The following CELF2 variants were observed in gnomAD, a reference collection of about 807,000 sequenced individuals.
The protein encoded by CELF2 is CUG triplet repeat RNA-binding protein 2.
In CELF2, 8 loss-of-function variants were observed where a neutral mutation model predicts 62.6. That is an observed-to-expected ratio of 0.13 (90% CI 0.07 to 0.23). CELF2 has a LOEUF of 0.23. Among genes scored for constraint, CELF2 ranks in the 10% least tolerant of loss-of-function variants. The pLI is 1.00. For synonymous variants in CELF2, 258 were observed against 250.0 expected (o/e 1.03, Z -0.30); for missense variants, 333 against 671.0 (o/e 0.50, Z 5.56).
chr10:11,283,600 G>T (rs1303112107), intron 8 of CELF2, among the ~76,000 whole-genome samples: 2 of 151,464 alleles, frequency 1.3e-5, no homozygotes, highest in Non-Finnish European at 3.0e-5. Context: ...ACTAGATGAT[G>T]GATGGGGGCT....
intron 1 of CELF2, among the ~76,000 whole-genome samples, chr10:10,842,984 C>T (rs2058778916): frequency 6.6e-6 from 1 of 151,970 alleles, no homozygotes; most frequent in African/African-American, 2.4e-5. Flanking sequence ...AAATATAGGG[C>T]TATTCAGATT....
At position 11,285,480 on chromosome 10, in the gene CELF2, C is replaced by T. The variant is rs892439351; in HGVS notation, c.842-2938C>T. ...TGTGGAGGAGAAATGAAGAGGAGGA[C>T]ACCCAGGCCCTTAGCCCTGGATCCT... On this transcript the variant is annotated intron_variant, in intron 8 of 12. Transcript: ENST00000633077. The surrounding 1 kb of genome is among the most constrained non-coding windows in gnomAD (Gnocchi z 4.3). Among the ~76,000 whole-genome samples the T allele has an allele frequency of 3.3e-5, 5 of 152,170 alleles. No individual in the cohort carries two copies.
At chr10:11,018,443 C>T (rs1024507700) in intron 1 of CELF2, among the ~76,000 whole-genome samples, 4 of 148,064 alleles carry the variant, frequency 2.7e-5, no homozygotes, top group African/African-American at 5.0e-5. Context: ...TGAGGACCAG[C>T]GGGCCGAGCG....
chr10:10,704,465 T>A, the CELF2 span, among the ~76,000 whole-genome samples: 2 of 152,334 alleles, frequency 1.3e-5, no homozygotes, highest in Admixed American at 1.3e-4. Context: ...TAAATGATTT[T>A]CATTATTGTA....
chr10:11,094,449 T>C (rs1462513702), intron 1 of CELF2, among the ~76,000 whole-genome samples: 2 of 152,192 alleles, frequency 1.3e-5, no homozygotes, highest in Non-Finnish European at 2.9e-5. Flanking sequence ...CTCATTCTTA[T>C]TATAATGAAC....
chr10:10,650,494 A>G, the CELF2 span, among the ~76,000 whole-genome samples: 1 of 152,170 alleles, frequency 6.6e-6, no homozygotes, highest in African/African-American at 2.4e-5. Flanking sequence ...AGAGAGACCT[A>G]TGTAAAAGTA....
chr10:10,537,872 C>T, the CELF2 span, among the ~76,000 whole-genome samples: 1 of 152,194 alleles, frequency 6.6e-6, no homozygotes, highest in Non-Finnish European at 1.5e-5. Flanking sequence ...CCTGACAGAA[C>T]CTGCAAGTAG....
At chr10:10,657,116 C>G in the CELF2 span, among the ~76,000 whole-genome samples, 3 of 151,890 alleles carry the variant, frequency 2.0e-5, no homozygotes, top group Non-Finnish European at 4.4e-5. Context: ...TGGTTGAACC[C>G]TGAAAAAATT....
At position 10,993,785 on chromosome 10, in the gene CELF2, C is replaced by A. The variant is rs1434394351; in HGVS notation, c.89+73786C>A. On this transcript the variant is annotated intron_variant, in intron 2 of 13. Transcript: ENST00000636488. This position sits in a 1 kb window ranked among gnomAD's most constrained non-coding sequence, Gnocchi z 5.3. ...CTCCCCAAAATTTGTGTGTTGAAGT[C>A]CTAACCCTGGTACCTGGGAATGTGA... Among the ~76,000 whole-genome samples the A allele has an allele frequency of 6.6e-6, 1 of 152,110 alleles. No homozygotes were observed. Among genetic ancestry groups the A allele is most frequent in the Non-Finnish European group, 1.5e-5 (1 of 68,020 alleles).
the CELF2 span, among the ~76,000 whole-genome samples, chr10:10,620,071 G>GA: frequency 7.2e-5 from 11 of 151,870 alleles, no homozygotes; most frequent in East Asian, 1.9e-4. Context: ...TTCCATATTA[G>GA]AAAAAAAATG....
chr10:10,952,676 A>G (rs1162166864), intron 2 of CELF2, among the ~76,000 whole-genome samples: 1 of 140,342 alleles, frequency 7.1e-6, no homozygotes, highest in Non-Finnish European at 1.5e-5. Flanking sequence ...AGATGGTCCA[A>G]AAAAAAAAAA....
chr10:10,495,262 G>A, the CELF2 span, among the ~76,000 whole-genome samples: 2 of 152,168 alleles, frequency 1.3e-5, no homozygotes, highest in Admixed American at 1.3e-4. Context: ...CTGGGCGACA[G>A]AGCGAGACTC....
the CELF2 span, among the ~76,000 whole-genome samples, chr10:10,513,901 C>G: frequency 1.3e-5 from 2 of 152,062 alleles, no homozygotes; most frequent in Non-Finnish European, 2.9e-5. Context: ...GCCTAGGTCC[C>G]TGTCTAAGCA....
the CELF2 span, among the ~76,000 whole-genome samples, chr10:10,769,485 A>G: frequency 2.0e-5 from 3 of 152,286 alleles, no homozygotes; most frequent in African/African-American, 7.2e-5. Context: ...TCTGTAGGCC[A>G]GGCGTGGTGG....
intron 1 of CELF2, among the ~76,000 whole-genome samples, chr10:11,164,115 C>A (rs1297797823): frequency 6.6e-6 from 1 of 152,220 alleles, no homozygotes; most frequent in East Asian, 1.9e-4. Flanking sequence ...TCTGTAGGGG[C>A]AGCTTCTGCC....
intron 2 of CELF2, among the ~76,000 whole-genome samples, chr10:10,968,947 C>G (rs1255076784): frequency 1.3e-5 from 2 of 151,672 alleles, no homozygotes. Context: ...TTTTCTTGTT[C>G]AAAATGAAAA....
At chr10:10,863,506 GTTGTC>G (rs1309719470) in intron 1 of CELF2, among the ~76,000 whole-genome samples, 1 of 152,126 alleles carries the variant, frequency 6.6e-6, no homozygotes, top group Non-Finnish European at 1.5e-5. Context: ...CTAAACCTTG[GTTGTC>G]TTATCTATCA....
At chr10:10,988,326 A>C (rs2053042891) in intron 2 of CELF2, among the ~76,000 whole-genome samples, 1 of 151,840 alleles carries the variant, frequency 6.6e-6, no homozygotes, top group African/African-American at 2.4e-5. Context: ...ATGGAATACT[A>C]TTCAGCCATA....
the CELF2 span, among the ~76,000 whole-genome samples, chr10:10,485,520 T>C: frequency 1.3e-5 from 2 of 152,168 alleles, no homozygotes; most frequent in East Asian, 1.9e-4. Context: ...CACAAAGCAG[T>C]CCAATGGATA....
Sources: allele counts gnomAD v4.1 joint callset (sites outside exome capture counted in the v4.1 genomes callset), GRCh38; gene constraint gnomAD v4.1.1; non-coding constraint Gnocchi (gnomAD v3.1); transcripts MANE v1.5; gene names NCBI Gene and HGNC (gene_info 2026-07-23, HGNC 2026-07-21).